The following PPP2R2B variants were observed in gnomAD, a reference collection of about 807,000 sequenced individuals.
The protein encoded by PPP2R2B is protein phosphatase 2 regulatory subunit Bbeta, also known as serine/threonine-protein phosphatase 2A 55 kDa regulatory subunit B beta isoform.
A neutral mutation model predicts 46.0 loss-of-function variants in PPP2R2B; 5 were observed. That is an observed-to-expected ratio of 0.11 (90% CI 0.06 to 0.23). PPP2R2B has a LOEUF of 0.23. PPP2R2B is among the 10% of genes least tolerant of loss of function. The pLI is 1.00. For synonymous variants in PPP2R2B, 215 were observed against 206.7 expected, an observed-to-expected ratio of 1.04 and a Z score of -0.34; for missense variants, 367 against 575.0, an observed-to-expected ratio of 0.64 and a Z score of 3.70.
chr5:146,966,124 A>G (rs1752392040), intron 1 of PPP2R2B, among the ~76,000 whole-genome samples: 1 of 152,228 alleles, frequency 6.6e-6, no homozygotes, highest in Non-Finnish European at 1.5e-5. Context: ...TACACCCATT[A>G]GAAAGGAAAA....
At chr5:146,950,777 C>A (rs866113799) in intron 1 of PPP2R2B, among the ~76,000 whole-genome samples, 1 of 151,964 alleles carries the variant, frequency 6.6e-6, no homozygotes, top group South Asian at 2.1e-4. Context: ...TGACTAAAGT[C>A]ATGGTATAAT....
At chr5:146,702,260 G>GT (rs1265265474) in intron 2 of PPP2R2B, among the ~76,000 whole-genome samples, 1 of 152,060 alleles carries the variant, frequency 6.6e-6, no homozygotes, top group Non-Finnish European at 1.5e-5. Flanking sequence ...ATTTATTCAG[G>GT]TAAGTAGTGT....
At chr5:146,906,467 C>T (rs1763000866) in intron 1 of PPP2R2B, among the ~76,000 whole-genome samples, 1 of 152,124 alleles carries the variant, frequency 6.6e-6, no homozygotes, top group Admixed American at 6.5e-5. Flanking sequence ...GGATTACAGG[C>T]ATGCGCCACC....
intron 1 of PPP2R2B, among the ~76,000 whole-genome samples, chr5:147,025,305 C>T (rs1243570641): frequency 6.6e-6 from 1 of 151,872 alleles, no homozygotes; most frequent in East Asian, 1.9e-4. Flanking sequence ...AAATGTGGAT[C>T]CAAATGGTTG....
intron 1 of PPP2R2B, among the ~76,000 whole-genome samples, chr5:146,921,956 A>G (rs1029591100): frequency 1.3e-5 from 2 of 152,192 alleles, no homozygotes; most frequent in South Asian, 2.1e-4. Context: ...TAATATTTAC[A>G]ACAGCCACTT....
chr5:146,684,394 C>T lies in PPP2R2B; in HGVS notation c.447+6734G>A, dbSNP rs146384837. Among the ~76,000 whole-genome samples the T allele has an allele frequency of 3.6e-4, 55 of 152,292 alleles. No individual in the cohort carries two copies. The East Asian group carries it at 7.5e-3, about 21-fold the overall frequency. On this transcript the variant is annotated intron_variant, in intron 5 of 9. Transcript: ENST00000394411. ...CCCCCTCCTCCCAGAATGAGTATTA[C>T]GACATAGGTACCTCAGAGGGAGCAA...
At chr5:146,793,312 T>C (rs1394800105) in intron 2 of PPP2R2B, among the ~76,000 whole-genome samples, 1 of 152,156 alleles carries the variant, frequency 6.6e-6, no homozygotes, top group African/African-American at 2.4e-5. Context: ...TTATTAGACA[T>C]CCAAATAGAA....
At chr5:146,933,086 A>G (rs1332165808) in intron 1 of PPP2R2B, among the ~76,000 whole-genome samples, 1 of 152,162 alleles carries the variant, frequency 6.6e-6, no homozygotes, top group Non-Finnish European at 1.5e-5. Context: ...CAACCTTGGA[A>G]TTGTAACTAA....
rs982331668 is a variant in PPP2R2B at position 146,588,580 on chromosome 5, T to TAAG, written c.*1364_*1366dup. The stretch of plus-strand genomic sequence containing the variant: ...TCTGGACTCCACCCATCTACTTTCC[T>TAAG]AAGTTTATAAATCCTTTGCATGCAT... On this transcript the variant is annotated 3_prime_UTR_variant, in exon 10 of 10. Coordinates refer to ENST00000394411, the MANE Select transcript of PPP2R2B (RefSeq NM_181675.4). 3 of 149,536 alleles carry TAAG rather than the reference T, an allele frequency of 2.0e-5. No individual in the cohort carries two copies. The highest frequency in any genetic ancestry group is 6.6e-5 in the Admixed American group (1 of 15,194). The allele number at this position is 149,536 out of a possible 1,614,324, so 9.3% of individuals were successfully genotyped here.
chr5:147,046,311 T>C lies in PPP2R2B; in HGVS notation c.79+9354A>G, dbSNP rs144718241. ...TCAACAATAAGATCCAGAGCAGGCTTTCATACATATCTTCGAAGTCATACA... is the reference window on the plus strand; with the variant it reads ...TCAACAATAAGATCCAGAGCAGGCTCTCATACATATCTTCGAAGTCATACA... On this transcript the variant is annotated intron_variant, in intron 1 of 8. Coordinates refer to the PPP2R2B transcript ENST00000336640. Among the ~76,000 whole-genome samples, 875 of 152,322 alleles carry C rather than the reference T, an allele frequency of 5.7e-3. 5 individuals carry two copies. Among genetic ancestry groups the C allele is most frequent in the African/African-American group, 0.02 (827 of 41,588 alleles).
At chr5:146,795,094 G>A (rs1431280556) in intron 2 of PPP2R2B, among the ~76,000 whole-genome samples, 1 of 152,044 alleles carries the variant, frequency 6.6e-6, no homozygotes, top group Non-Finnish European at 1.5e-5. Flanking sequence ...ATGGTCATAA[G>A]CAGGTTATCA....
chr5:146,591,895 C>T (rs572956394), intron 9 of PPP2R2B, among the ~76,000 whole-genome samples: 1 of 152,042 alleles, frequency 6.6e-6, no homozygotes, highest in Non-Finnish European at 1.5e-5. Flanking sequence ...TCTTGTTAGA[C>T]TGTGGTTGGG....
At chr5:146,734,056 GTTT>G (rs201448902) in intron 2 of PPP2R2B, among the ~76,000 whole-genome samples, 8,031 of 142,514 alleles carry the variant, frequency 0.056, 411 homozygotes, top group African/African-American at 0.14. Context: ...AATGAGTTAG[GTTT>G]TTTTTTTTTT....
At chr5:146,967,598 A>G (rs1254454650) in intron 1 of PPP2R2B, among the ~76,000 whole-genome samples, 2 of 152,138 alleles carry the variant, frequency 1.3e-5, no homozygotes, top group Non-Finnish European at 2.9e-5. Context: ...AGGGGACTAT[A>G]TCCAGGACAT....
intron 2 of PPP2R2B, among the ~76,000 whole-genome samples, chr5:146,813,690 G>A (rs1477989729): frequency 6.6e-6 from 1 of 152,098 alleles, no homozygotes; most frequent in Non-Finnish European, 1.5e-5. Flanking sequence ...GCTCTGCTCC[G>A]CTGCTATTTC....
chr5:147,055,891 T>TG (rs1395120169), exon 1 of PPP2R2B: 139 of 1,446,022 alleles, frequency 9.6e-5, no homozygotes, highest in Non-Finnish European at 1.2e-4. Context: ...GAGGAATAAC[T>TG]GGAGATGGGT....
At chr5:147,065,493 C>T (rs1580876818) in intron 2 of PPP2R2B, among the ~76,000 whole-genome samples, 1 of 151,956 alleles carries the variant, frequency 6.6e-6, no homozygotes, top group Non-Finnish European at 1.5e-5. Flanking sequence ...GACATATGTA[C>T]ACACTGGAGA....
intron 2 of PPP2R2B, among the ~76,000 whole-genome samples, chr5:146,741,273 G>A (rs956108149): frequency 6.6e-6 from 1 of 152,188 alleles, no homozygotes; most frequent in Non-Finnish European, 1.5e-5. Flanking sequence ...GACACTAAGA[G>A]AGTACAGGAC....
At chr5:146,730,546 C>T (rs1029360980) in intron 2 of PPP2R2B, among the ~76,000 whole-genome samples, 1 of 152,130 alleles carries the variant, frequency 6.6e-6, no homozygotes, top group Non-Finnish European at 1.5e-5. Context: ...AGAATTCCCA[C>T]ATGTTGTGGG....
Sources: allele counts gnomAD v4.1 joint callset (sites outside exome capture counted in the v4.1 genomes callset), GRCh38; gene constraint gnomAD v4.1.1; transcripts MANE v1.5; gene names NCBI Gene and HGNC (gene_info 2026-07-23, HGNC 2026-07-21).